The following RPH3A variants were observed in gnomAD, a reference collection of about 807,000 sequenced individuals.
RPH3A encodes rabphilin 3A.
RPH3A carries 48 observed loss-of-function variants against 102.2 expected under a neutral mutation model. The observed-to-expected ratio is 0.47, with a 90% confidence interval of 0.37 to 0.60. The LOEUF is 0.60. Ranked by LOEUF, RPH3A falls within the 20% of genes least tolerant of loss-of-function variation. The pLI is 0.00. For missense variants in RPH3A, 781 were observed against 910.1 expected (o/e 0.86, Z 1.83); for synonymous variants, 310 against 324.3 (o/e 0.96, Z 0.47).
chr12:112,824,462 C>G (rs946916913), intron 2 of RPH3A, among the ~76,000 whole-genome samples: 2 of 152,226 alleles, frequency 1.3e-5, no homozygotes, highest in Non-Finnish European at 1.5e-5. Flanking sequence ...GATGAGGAAT[C>G]AACAGTGACT....
intron 1 of RPH3A, among the ~76,000 whole-genome samples, chr12:112,631,048 T>G (rs1272455835): frequency 6.6e-6 from 1 of 152,122 alleles, no homozygotes; most frequent in Non-Finnish European, 1.5e-5. Flanking sequence ...GATATGGGGC[T>G]GCATGACTCC....
chr12:112,779,764 A>G (rs534212607), intron 1 of RPH3A, among the ~76,000 whole-genome samples: 1 of 152,288 alleles, frequency 6.6e-6, no homozygotes, highest in East Asian at 1.9e-4. Context: ...GAACCTCAGA[A>G]TGTGACCTTA....
chr12:112,881,689 G>A, intron 14 of RPH3A, 83 bp from the exon 15 acceptor site: 2 of 939,296 alleles, frequency 2.1e-6, no homozygotes, highest in East Asian at 2.6e-5. Context: ...CAGGACAGAT[G>A]CCAGGGGCTA....
At chr12:112,664,440 T>A (rs7309060) in intron 1 of RPH3A, among the ~76,000 whole-genome samples, 2,463 of 152,204 alleles carry the variant, frequency 0.016, 81 homozygotes, top group African/African-American at 0.056. Context: ...TAAGGAATAT[T>A]TGTAGTTATC....
intron 1 of RPH3A, among the ~76,000 whole-genome samples, chr12:112,737,048 A>C (rs924188502): frequency 6.6e-6 from 1 of 151,094 alleles, no homozygotes; most frequent in Non-Finnish European, 1.5e-5. Context: ...CTAGCTACTC[A>C]GGAGGCTGAG....
chr12:112,870,547 G>T (rs759438776), intron 10 of RPH3A, among the ~76,000 whole-genome samples: 2 of 152,134 alleles, frequency 1.3e-5, no homozygotes, highest in Admixed American at 6.5e-5. Flanking sequence ...ATTGGTAGGG[G>T]TCATGGAGCA....
At chr12:112,632,745 G>A (rs2039815588) in intron 1 of RPH3A, among the ~76,000 whole-genome samples, 1 of 152,198 alleles carries the variant, frequency 6.6e-6, no homozygotes, top group Admixed American at 6.5e-5. Context: ...GGTACTACTG[G>A]CATCTAGTGC....
At chr12:112,605,023 T>G (rs1022436965) in intron 1 of RPH3A, among the ~76,000 whole-genome samples, 7 of 152,328 alleles carry the variant, frequency 4.6e-5, no homozygotes, top group African/African-American at 1.7e-4. Flanking sequence ...GGGCTCTACC[T>G]TCAAGGGCTT....
At chr12:112,631,081 T>C (rs948274283) in intron 1 of RPH3A, among the ~76,000 whole-genome samples, 3 of 151,690 alleles carry the variant, frequency 2.0e-5, no homozygotes, top group Non-Finnish European at 2.9e-5. Flanking sequence ...ATCTGTAGAG[T>C]TTTTACAGGT....
chr12:112,790,578 T>C (rs2041088657), upstream of RPH3A, among the ~76,000 whole-genome samples: 1 of 152,216 alleles, frequency 6.6e-6, no homozygotes, highest in Admixed American at 6.5e-5. Context: ...CTGGCCTTTT[T>C]CCAATTTGAG....
At chr12:112,843,184 G>A (rs535209705) in intron 4 of RPH3A, among the ~76,000 whole-genome samples, 15 of 152,262 alleles carry the variant, frequency 9.9e-5, no homozygotes, top group African/African-American at 3.6e-4. Flanking sequence ...TGAGGCCCTC[G>A]TGCCCACATC....
chr12:112,870,290 G>T (rs970047514), intron 10 of RPH3A, among the ~76,000 whole-genome samples: 1 of 124,962 alleles, frequency 8.0e-6, no homozygotes, highest in African/African-American at 3.2e-5. Flanking sequence ...CAGAAAGCAT[G>T]ATTTTTTTTC....
At chr12:112,811,531 C>A (rs893861594) in intron 2 of RPH3A, among the ~76,000 whole-genome samples, 2 of 148,140 alleles carry the variant, frequency 1.4e-5, no homozygotes, top group African/African-American at 2.5e-5. Context: ...AAATAGAACC[C>A]CCCCCCCAAA....
chr12:112,882,670 G>A, intron 15 of RPH3A, among the ~76,000 whole-genome samples: 1 of 152,192 alleles, frequency 6.6e-6, no homozygotes, highest in East Asian at 1.9e-4. Context: ...ATTATGAAGT[G>A]TTTGGCCCCT....
At chr12:112,782,662 T>C (rs1209846670) in intron 1 of RPH3A, among the ~76,000 whole-genome samples, 2 of 152,224 alleles carry the variant, frequency 1.3e-5, no homozygotes, top group African/African-American at 4.8e-5. Context: ...GGGACTGTAT[T>C]TATGAATGGA....
chr12:112,740,461 G>A (rs1253686689), intron 1 of RPH3A, among the ~76,000 whole-genome samples: 1 of 152,150 alleles, frequency 6.6e-6, no homozygotes, highest in Non-Finnish European at 1.5e-5. Flanking sequence ...TAGTCTAACA[G>A]CTTTTGCCCT....
rs553338287 is a variant in RPH3A, at chr12:112,895,097, G to GTATT, written c.1857+456_1857+459dup. ...CATATGTACTCAGTCCACTTCAACTGTATTTATTTATTTATTTATTTTTGA... is the reference window on the plus strand; with the variant it reads ...CATATGTACTCAGTCCACTTCAACTGTATTTATTTATTTATTTATTTATTTTTGA... On this transcript the variant is annotated intron_variant, in intron 20 of 21. Transcript: ENST00000389385. 3.9e-3 allele frequency among the ~76,000 whole-genome samples: 596 copies of GTATT among 152,080 alleles called. 1 individual carries two copies. Among genetic ancestry groups the GTATT allele is most frequent in the African/African-American group, 0.014 (566 of 41,476 alleles).
chr12:112,633,761 AT>A (rs1397292121), intron 1 of RPH3A, among the ~76,000 whole-genome samples: 1 of 152,222 alleles, frequency 6.6e-6, no homozygotes, highest in Non-Finnish European at 1.5e-5. Flanking sequence ...ATCTTTACTT[AT>A]TTTGAATTTG....
chr12:112,724,957 G>C (rs2040576552), intron 1 of RPH3A, among the ~76,000 whole-genome samples: 1 of 149,550 alleles, frequency 6.7e-6, no homozygotes, highest in African/African-American at 2.5e-5. Flanking sequence ...GACAGAGCGA[G>C]ACTCTGCCTA....
Sources: allele counts gnomAD v4.1 joint callset (sites outside exome capture counted in the v4.1 genomes callset), GRCh38; gene constraint gnomAD v4.1.1; transcripts MANE v1.5; gene names NCBI Gene and HGNC (gene_info 2026-07-23, HGNC 2026-07-21).